Variants in CDH2 observed in about 807,000 individuals in gnomAD.
CDH2 encodes cadherin 2.
In CDH2, 17 loss-of-function variants were observed where a neutral mutation model predicts 92.0. The ratio of observed to expected loss-of-function variants is 0.18; its 90% CI spans 0.13 to 0.28. CDH2 has a LOEUF of 0.28. CDH2 is among the 10% of genes least tolerant of loss of function. The probability of loss-of-function intolerance (pLI) is 1.00; values close to 1 mark genes in which losing one functional copy is unlikely to be tolerated. For synonymous variants in CDH2, 419 were observed against 415.9 expected (o/e 1.01, Z -0.09); for missense variants, 862 against 1,133.1 (o/e 0.76, Z 3.44).
intron 5 of CDH2, 106 bp from the exon 6 acceptor site, chr18:28,006,099 AAAAC>A: frequency 1.1e-6 from 1 of 881,488 alleles, no homozygotes; most frequent in Non-Finnish European, 1.7e-6. Flanking sequence ...TCACAGCTGA[AAAAC>A]AAAAGCGGTT....
intron 2 of CDH2, among the ~76,000 whole-genome samples, chr18:28,127,611 C>CAAT (rs1413725762): frequency 6.6e-6 from 1 of 151,936 alleles, no homozygotes; most frequent in Non-Finnish European, 1.5e-5. Flanking sequence ...AGGCTGATTA[C>CAAT]AATATAGCAA....
intron 2 of CDH2, among the ~76,000 whole-genome samples, chr18:28,094,810 A>AAAAG (rs1405525039): frequency 6.6e-6 from 1 of 150,822 alleles, no homozygotes; most frequent in Non-Finnish European, 1.5e-5. Flanking sequence ...AAAAAAAAAA[A>AAAAG]AAAAATTACT....
chr18:28,166,148 T>TCATATATATA (rs578194076), intron 1 of CDH2, among the ~76,000 whole-genome samples: 2,545 of 19,708 alleles, frequency 0.13, 70 homozygotes, highest in Admixed American at 0.25. Flanking sequence ...TCAGACACAC[T>TCATATATATA]CATATATATA....
chr18:28,027,883 A>G (rs1209726779), intron 2 of CDH2, among the ~76,000 whole-genome samples: 3 of 151,348 alleles, frequency 2.0e-5, no homozygotes, highest in African/African-American at 7.3e-5. Context: ...TTAACAAATT[A>G]CACTGAAATA....
chr18:28,122,449 G>A (rs1005265042), intron 2 of CDH2, among the ~76,000 whole-genome samples: 1 of 151,926 alleles, frequency 6.6e-6, no homozygotes, highest in Non-Finnish European at 1.5e-5. Flanking sequence ...GTAATCTTCG[G>A]TATTTCAAAA....
At chr18:28,051,972 G>GT (rs1401349291) in intron 2 of CDH2, among the ~76,000 whole-genome samples, 4 of 152,056 alleles carry the variant, frequency 2.6e-5, no homozygotes, top group Non-Finnish European at 5.9e-5. Context: ...TTTTATTGCA[G>GT]TTGCATAAGT....
intron 2 of CDH2, among the ~76,000 whole-genome samples, chr18:28,014,552 T>C (rs1459114925): frequency 1.3e-5 from 2 of 152,108 alleles, no homozygotes; most frequent in Non-Finnish European, 2.9e-5. Flanking sequence ...ATTTACAAAT[T>C]TCTATTCCTC....
chr18:28,009,798 AG>A lies in CDH2; in HGVS notation c.620del (p.Thr207MetfsTer15). 6.2e-7 allele frequency: 1 copy of A among 1,614,046 alleles called. No individual in the cohort carries two copies. The highest frequency in any genetic ancestry group is 8.5e-7 in the Non-Finnish European group (1 of 1,179,974). On this transcript the variant is annotated frameshift_variant, in exon 5 of 16. Transcript: ENST00000269141. LOFTEE classifies it high-confidence loss of function. ...AGATGGGGTTGATAATGAAGATACC[AG>A]TTGGAGGCTGGTCAGCTCCTGGCCC... The part of the protein sequence containing the change: ...VTGPGADQPP[T>X]GIFIINPISG...
At position 28,126,531 on chromosome 18, in the gene CDH2, C is replaced by T. The variant is rs180829001; in HGVS notation, c.172+21142G>A. ...ATTAAGCTAAGTAATACATCTAAAA[C>T]CCCGAGACATTATCTGGAATTCATG... On this transcript the variant is annotated intron_variant, in intron 2 of 15. Coordinates refer to ENST00000269141, the MANE Select transcript of CDH2 (RefSeq NM_001792.5). Among the ~76,000 whole-genome samples, 229 of 152,142 alleles carry T rather than the reference C, an allele frequency of 1.5e-3. 2 individuals carry two copies. Among genetic ancestry groups the T allele is most frequent in the South Asian group, 1.0e-2 (48 of 4,810 alleles).
chr18:28,103,563 A>G (rs143240801), intron 2 of CDH2, among the ~76,000 whole-genome samples: 48 of 151,992 alleles, frequency 3.2e-4, no homozygotes, highest in Admixed American at 5.9e-4. Context: ...CAGGTTTGTT[A>G]CATAGGTATA....
At chr18:28,068,485 A>G (rs1209644940) in intron 2 of CDH2, among the ~76,000 whole-genome samples, 1 of 152,222 alleles carries the variant, frequency 6.6e-6, no homozygotes, top group Non-Finnish European at 1.5e-5. Context: ...GAGATGGAAT[A>G]CATGAATAAA....
intron 1 of CDH2, among the ~76,000 whole-genome samples, chr18:28,150,414 C>A (rs1215509490): frequency 6.6e-6 from 1 of 152,216 alleles, no homozygotes; most frequent in Non-Finnish European, 1.5e-5. Context: ...CCCAGTGGAT[C>A]TGCCCTAAGG....
chr18:28,077,089 T>G (rs1231968032), intron 2 of CDH2, among the ~76,000 whole-genome samples: 1 of 152,122 alleles, frequency 6.6e-6, no homozygotes, highest in Non-Finnish European at 1.5e-5. Context: ...CTAAACAATT[T>G]TCATCAAACA....
At chr18:28,129,550 G>C (rs1320387442) in intron 2 of CDH2, among the ~76,000 whole-genome samples, 2 of 152,146 alleles carry the variant, frequency 1.3e-5, no homozygotes, top group Admixed American at 1.3e-4. Flanking sequence ...ATAAAAATTG[G>C]GTCTGTGTGG....
rs74802058 is a variant in CDH2 at position 28,084,717 on chromosome 18, C to T, written c.172+62956G>A. 4.1e-3 allele frequency among the ~76,000 whole-genome samples: 628 copies of T among 152,214 alleles called. 4 individuals carry two copies. Among genetic ancestry groups the T allele is most frequent in the African/African-American group, 0.012 (504 of 41,552 alleles). ...TCAACCTCATCCACCCAGCAAAATC[C>T]TAAACTTGGGATCAATACAGCAAAG... On this transcript the variant is annotated intron_variant, in intron 2 of 15. Coordinates refer to ENST00000269141, the MANE Select transcript of CDH2 (RefSeq NM_001792.5).
At chr18:27,982,628 A>G (rs2012091687) in intron 14 of CDH2, among the ~76,000 whole-genome samples, 1 of 152,144 alleles carries the variant, frequency 6.6e-6, no homozygotes, top group African/African-American at 2.4e-5. Context: ...AAAGTAGAAG[A>G]TGCTTTTAAT....
At chr18:28,098,363 ACT>A (rs776213819) in intron 2 of CDH2, among the ~76,000 whole-genome samples, 2 of 151,714 alleles carry the variant, frequency 1.3e-5, no homozygotes, top group Non-Finnish European at 2.9e-5. Context: ...GCCAAAAAAC[ACT>A]GAATTTGTAA....
At chr18:28,129,197 C>T (rs892736996) in intron 2 of CDH2, among the ~76,000 whole-genome samples, 16 of 152,094 alleles carry the variant, frequency 1.1e-4, no homozygotes, top group Non-Finnish European at 2.2e-4. Context: ...TTCAAAATAC[C>T]ATTGAGTCAA....
At chr18:27,976,928 T>C (rs1474092823) in intron 14 of CDH2, among the ~76,000 whole-genome samples, 1 of 152,188 alleles carries the variant, frequency 6.6e-6, no homozygotes, top group Non-Finnish European at 1.5e-5. Flanking sequence ...AAGTGAGATA[T>C]CGGCTATATT....
Sources: gnomAD v4.1 joint callset for allele counts (sites outside exome capture counted in the v4.1 genomes callset) on GRCh38, gnomAD v4.1.1 for gene constraint, MANE v1.5 for transcripts, NCBI Gene and HGNC (gene_info 2026-07-23, HGNC 2026-07-21) for gene names.